The following GRM7 variants were observed in gnomAD, a reference collection of about 807,000 sequenced individuals.
GRM7 encodes the protein glutamate metabotropic receptor 7.
A neutral mutation model predicts 84.5 loss-of-function variants in GRM7; 35 were observed. That is an observed-to-expected ratio of 0.41 (90% CI 0.32 to 0.55). The LOEUF (loss-of-function observed/expected upper bound fraction) is 0.55, where lower values mean the gene tolerates loss of function less well. Ranked by LOEUF, GRM7 falls within the 20% of genes least tolerant of loss-of-function variation. The pLI, the probability that GRM7 is intolerant of heterozygous loss-of-function variation, is 0.19. For missense variants in GRM7, 1,003 were observed against 1,194.6 expected, an observed-to-expected ratio of 0.84 and a Z score of 2.36; for synonymous variants, 487 against 455.1, an observed-to-expected ratio of 1.07 and a Z score of -0.89.
intron 7 of GRM7, among the ~76,000 whole-genome samples, chr3:7,547,359 G>A (rs370339194): frequency 5.3e-4 from 81 of 151,648 alleles, no homozygotes; most frequent in Middle Eastern, 6.8e-3. Context: ...GGCGCCCGCC[G>A]CCACGCCTGG....
intron 8 of GRM7, among the ~76,000 whole-genome samples, chr3:7,662,955 T>G (rs888800299): frequency 1.3e-5 from 2 of 152,218 alleles, no homozygotes; most frequent in South Asian, 4.1e-4. Flanking sequence ...TTCTGAGAGA[T>G]GCTGATGTGA....
At chr3:7,337,761 A>T (rs1037227361) in intron 4 of GRM7, among the ~76,000 whole-genome samples, 19 of 151,904 alleles carry the variant, frequency 1.3e-4, no homozygotes, top group African/African-American at 4.6e-4. Context: ...AAAAAAAGAT[A>T]TTGACATGGA....
intron 2 of GRM7, among the ~76,000 whole-genome samples, chr3:7,224,764 G>T (rs183538365): frequency 1.1e-4 from 16 of 152,198 alleles, no homozygotes; most frequent in African/African-American, 2.4e-4. Context: ...TTTTGATCAT[G>T]TTGGTAAAGA....
chr3:6,893,173 C>G (rs1175429094), intron 1 of GRM7: 1 of 152,198 alleles, frequency 6.6e-6, no homozygotes, highest in East Asian at 1.9e-4. Context: ...TTCTAGCTCA[C>G]AACTGGGTGG....
intron 1 of GRM7, among the ~76,000 whole-genome samples, chr3:7,127,746 A>G (rs1027736690): frequency 2.6e-5 from 4 of 152,292 alleles, no homozygotes; most frequent in Admixed American, 2.6e-4. Flanking sequence ...TTTCAAATCT[A>G]AAAGAAACTG....
chr3:6,968,987 C>T (rs947208441), intron 1 of GRM7, among the ~76,000 whole-genome samples: 2 of 152,112 alleles, frequency 1.3e-5, no homozygotes, highest in Non-Finnish European at 2.9e-5. Context: ...TCATTCCTGC[C>T]TAACTCACTC....
At chr3:7,225,705 G>A (rs1291872949) in intron 2 of GRM7, among the ~76,000 whole-genome samples, 1 of 151,668 alleles carries the variant, frequency 6.6e-6, no homozygotes, top group Non-Finnish European at 1.5e-5. Flanking sequence ...GAGTTTGCTT[G>A]TACATTAAGT....
chr3:7,553,498 A>C lies in GRM7; in HGVS notation c.1516-24924A>C, dbSNP rs145677431. Among the ~76,000 whole-genome samples, 332 of 152,258 alleles carry C rather than the reference A, an allele frequency of 2.2e-3. 2 individuals carry two copies. The highest frequency in any genetic ancestry group is 3.4e-3 in the Non-Finnish European group (233 of 68,034). On this transcript the variant is annotated intron_variant, in intron 7 of 9. Transcript: ENST00000357716. ...AGTTCATTTTCATATGGCCATAAAG[A>C]ACTTCCCGAGACTGGGTAATTTATA...
At chr3:7,243,883 A>G (rs1485643568) in intron 2 of GRM7, among the ~76,000 whole-genome samples, 1 of 152,172 alleles carries the variant, frequency 6.6e-6, no homozygotes, top group African/African-American at 2.4e-5. Context: ...CAATTGTAAT[A>G]CAATGATAAG....
chr3:7,322,801 A>G (rs537697070), intron 4 of GRM7, among the ~76,000 whole-genome samples: 2 of 151,978 alleles, frequency 1.3e-5, no homozygotes, highest in African/African-American at 2.4e-5. Context: ...TATACTCTAT[A>G]TAGGGAGTGG....
chr3:6,917,228 T>C (rs1696971867), intron 1 of GRM7, among the ~76,000 whole-genome samples: 1 of 152,146 alleles, frequency 6.6e-6, no homozygotes, highest in Non-Finnish European at 1.5e-5. Context: ...ATATTATATA[T>C]TGTAGTTATA....
At chr3:7,612,026 T>A (rs188997025) in intron 8 of GRM7, among the ~76,000 whole-genome samples, 1 of 152,298 alleles carries the variant, frequency 6.6e-6, no homozygotes, top group Admixed American at 6.5e-5. Context: ...TCCTTTAACC[T>A]CTCAGATTTC....
At position 7,176,805 on chromosome 3, in the gene GRM7, C is replaced by T. The variant is rs866604919; in HGVS notation, c.736+30137C>T. Among the ~76,000 whole-genome samples, 4 of 152,316 alleles carry T rather than the reference C, an allele frequency of 2.6e-5. No individual in the cohort carries two copies. In the South Asian group the frequency reaches 8.3e-4, roughly 32 times the overall value. ...ATCTTGACTGAGGTCCACACCTCAA[C>T]TATTATTATAGCCAGAAAACTCATC... On this transcript the variant is annotated intron_variant, in intron 2 of 9. Coordinates refer to ENST00000357716, the MANE Select transcript of GRM7 (RefSeq NM_000844.4).
intron 1 of GRM7, among the ~76,000 whole-genome samples, chr3:7,130,113 G>A (rs935691947): frequency 2.0e-4 from 31 of 152,300 alleles, no homozygotes; most frequent in African/African-American, 7.5e-4. Context: ...GACTCGGTTA[G>A]CACTAACATT....
chr3:7,591,515 A>C (rs955060015), intron 8 of GRM7: 7 of 434,220 alleles, frequency 1.6e-5, no homozygotes, highest in African/African-American at 1.2e-4. Context: ...TTCACCCAGT[A>C]GTTCCATTTC....
chr3:6,955,908 G>A (rs1335871841), intron 1 of GRM7, among the ~76,000 whole-genome samples: 1 of 151,360 alleles, frequency 6.6e-6, no homozygotes, highest in African/African-American at 2.4e-5. Flanking sequence ...TATGAAGAAA[G>A]ACCACTGCTG....
At chr3:7,637,552 T>C (rs1024305368) in intron 8 of GRM7, among the ~76,000 whole-genome samples, 3 of 152,328 alleles carry the variant, frequency 2.0e-5, no homozygotes, top group Middle Eastern at 3.4e-3. Context: ...TAAAATTTGG[T>C]TTACAGAAAT....
chr3:7,302,187 T>A (rs1462541350), intron 3 of GRM7, among the ~76,000 whole-genome samples: 1 of 152,120 alleles, frequency 6.6e-6, no homozygotes, highest in Non-Finnish European at 1.5e-5. Flanking sequence ...AAACAATAAT[T>A]TTAAATAATC....
intron 2 of GRM7, among the ~76,000 whole-genome samples, chr3:7,148,985 T>C (rs1333474625): frequency 6.6e-6 from 1 of 152,178 alleles, no homozygotes; most frequent in East Asian, 1.9e-4. Flanking sequence ...ATAATAAGTA[T>C]TTAATAAGTA....
Sources: gnomAD v4.1 joint callset for allele counts (sites outside exome capture counted in the v4.1 genomes callset) on GRCh38, gnomAD v4.1.1 for gene constraint, MANE v1.5 for transcripts, NCBI Gene and HGNC (gene_info 2026-07-23, HGNC 2026-07-21) for gene names.